NKAIN3: variants seen among roughly 807,000 people sequenced by gnomAD.
NKAIN3 encodes the protein sodium/potassium-transporting ATPase subunit beta-1-interacting protein 3.
In NKAIN3, 25 loss-of-function variants were observed where a neutral mutation model predicts 30.2. That is an observed-to-expected ratio of 0.83 (90% confidence interval 0.60 to 1.16). NKAIN3 has a LOEUF of 1.16. Among genes scored for constraint, NKAIN3 ranks in the 50% most tolerant of loss-of-function variants. The probability of loss-of-function intolerance (pLI) is 0.00; values close to 1 mark genes in which losing one functional copy is unlikely to be tolerated. For synonymous variants in NKAIN3, 91 were observed against 89.6 expected (o/e 1.02, Z -0.09); for missense variants, 225 against 254.1 (o/e 0.89, Z 0.78).
chr8:62,658,338 G>A (rs114093082), intron 3 of NKAIN3, among the ~76,000 whole-genome samples: 7 of 152,062 alleles, frequency 4.6e-5, no homozygotes, highest in Admixed American at 1.3e-4. Flanking sequence ...ATTTAATTTC[G>A]CGGTGAGGAT....
At chr8:62,857,358 G>A (rs1157941133) in intron 4 of NKAIN3, among the ~76,000 whole-genome samples, 2 of 152,154 alleles carry the variant, frequency 1.3e-5, no homozygotes, top group Non-Finnish European at 2.9e-5. Flanking sequence ...TCTTACTGGA[G>A]TTCTCTGCAT....
chr8:62,862,671 T>G (rs1279751556), intron 4 of NKAIN3, among the ~76,000 whole-genome samples: 1 of 152,168 alleles, frequency 6.6e-6, no homozygotes, highest in East Asian at 1.9e-4. Flanking sequence ...GCTTTGGAAT[T>G]GAAGAAAATA....
intron 3 of NKAIN3, among the ~76,000 whole-genome samples, chr8:62,737,981 T>C (rs1051840504): frequency 5.3e-5 from 8 of 152,174 alleles, no homozygotes; most frequent in Non-Finnish European, 1.2e-4. Flanking sequence ...AACATATGTG[T>C]GCATGTGTCT....
chr8:62,536,810 C>T (rs1380224156), intron 1 of NKAIN3, among the ~76,000 whole-genome samples: 1 of 152,038 alleles, frequency 6.6e-6, no homozygotes, highest in African/African-American at 2.4e-5. Flanking sequence ...TTCACTTTTC[C>T]CAAACTGAAA....
At chr8:62,725,152 AT>A (rs1815215330) in intron 3 of NKAIN3, among the ~76,000 whole-genome samples, 2 of 152,136 alleles carry the variant, frequency 1.3e-5, no homozygotes, top group South Asian at 4.1e-4. Context: ...GCACCTCTTA[AT>A]GTATCTGTTT....
Position 62,965,642 on chromosome 8 carries a change from A to C in NKAIN3, c.*235A>C. On this transcript the variant is annotated 3_prime_UTR_variant, in exon 7 of 7. Transcript: ENST00000623646. ...TTGTAAAAAAAAAAAAAAAAGAAAA[A>C]ACAGAATTTGGTTTTAAATTTTTAA... 2 of 977,028 alleles carry C rather than the reference A, an allele frequency of 2.0e-6. No homozygotes were observed. Among genetic ancestry groups the C allele is most frequent in the South Asian group, 9.5e-5 (2 of 21,128 alleles). 60.5% of individuals were successfully genotyped at this position (977,028 alleles called of 1,614,324 possible). A position where few individuals can be genotyped will look rare whatever the true frequency, so the allele number is the denominator to read the frequency against.
At chr8:62,440,704 T>C (rs531919041) in intron 1 of NKAIN3, among the ~76,000 whole-genome samples, 4 of 150,586 alleles carry the variant, frequency 2.7e-5, no homozygotes, top group African/African-American at 7.3e-5. Flanking sequence ...TCTTCTTTAT[T>C]TTTTTTTTTC....
At chr8:62,829,044 G>T (rs1355292059) in intron 4 of NKAIN3, among the ~76,000 whole-genome samples, 2 of 152,066 alleles carry the variant, frequency 1.3e-5, no homozygotes, top group African/African-American at 4.8e-5. Context: ...GCTAAGTTTG[G>T]GGAGGTTTAT....
At position 62,597,335 on chromosome 8, in the gene NKAIN3, C is replaced by A. The variant is rs575115848; in HGVS notation, c.273+7541C>A. Among the ~76,000 whole-genome samples the A allele has an allele frequency of 1.7e-3, 260 of 152,108 alleles. 1 individual carries two copies. Among genetic ancestry groups the A allele is most frequent in the Non-Finnish European group, 2.9e-3 (196 of 67,974 alleles). On this transcript the variant is annotated intron_variant, in intron 3 of 6. Transcript: ENST00000623646. Reference sequence around the variant, plus strand: ...AAATGGGTATCGGCTTTCTGAGTTTCCTTAATTAGTGTGTATAATAGCCTG... The same window carrying A: ...AAATGGGTATCGGCTTTCTGAGTTTACTTAATTAGTGTGTATAATAGCCTG...
At chr8:62,541,829 CTTAA>C (rs931021645) in intron 1 of NKAIN3, among the ~76,000 whole-genome samples, 19 of 151,864 alleles carry the variant, frequency 1.3e-4, no homozygotes, top group Non-Finnish European at 7.4e-5. Context: ...TGAAGTTGTT[CTTAA>C]TTATTGTTGA....
intron 1 of NKAIN3, among the ~76,000 whole-genome samples, chr8:62,557,314 A>G (rs191104851): frequency 3.2e-4 from 48 of 152,230 alleles, no homozygotes; most frequent in African/African-American, 1.1e-3. Flanking sequence ...GTTGATGGGC[A>G]TTTGGGTTGG....
At chr8:62,376,101 G>C (rs918628428) in intron 1 of NKAIN3, among the ~76,000 whole-genome samples, 3 of 152,174 alleles carry the variant, frequency 2.0e-5, no homozygotes, top group African/African-American at 7.2e-5. Flanking sequence ...TGTATTAGGA[G>C]TGAGGAGCAC....
At chr8:62,297,202 T>C (rs200832320) in intron 1 of NKAIN3, among the ~76,000 whole-genome samples, 168 of 152,108 alleles carry the variant, frequency 1.1e-3, no homozygotes, top group African/African-American at 3.8e-3. Flanking sequence ...AATGTTAGAC[T>C]TAAAACCATA....
At chr8:62,509,192 G>A (rs1220902182) in intron 1 of NKAIN3, among the ~76,000 whole-genome samples, 1 of 152,196 alleles carries the variant, frequency 6.6e-6, no homozygotes, top group Non-Finnish European at 1.5e-5. Flanking sequence ...AATCATGTGG[G>A]GTGGGGAGGG....
intron 1 of NKAIN3, among the ~76,000 whole-genome samples, chr8:62,298,016 C>A (rs1308902730): frequency 1.3e-5 from 2 of 152,140 alleles, no homozygotes; most frequent in African/African-American, 2.4e-5. Flanking sequence ...AGTTCATGTC[C>A]TTTGTAGGGA....
At chr8:62,429,922 A>G (rs2129597393) in intron 1 of NKAIN3, among the ~76,000 whole-genome samples, 1 of 152,014 alleles carries the variant, frequency 6.6e-6, no homozygotes, top group East Asian at 1.9e-4. Context: ...TGCAGCCACC[A>G]TCACCACCAT....
In NKAIN3 at chr8:62,977,801, T is replaced by G. The variant is rs2130920661; in HGVS notation, c.*12394T>G. On this transcript the variant is annotated 3_prime_UTR_variant, in exon 7 of 7. Transcript: ENST00000623646. The stretch of plus-strand genomic sequence containing the variant: ...TGGAGGAGAAGAGGCGTTCTGGTTT[T>G]GGGAATTTTCAGCCTTATTGGACTG... 1 of 152,330 alleles carries G rather than the reference T, an allele frequency of 6.6e-6. No homozygotes were observed. Among genetic ancestry groups the G allele is most frequent in the South Asian group, 2.1e-4 (1 of 4,828 alleles). 9.4% of individuals were successfully genotyped at this position (152,330 alleles called of 1,614,324 possible).
chr8:62,863,104 C>T, intron 4 of NKAIN3: 1 of 1,294,064 alleles, frequency 7.7e-7, no homozygotes, highest in Non-Finnish European at 1.1e-6. Flanking sequence ...AGGGTATTCC[C>T]CATCCTGCTC....
intron 1 of NKAIN3, among the ~76,000 whole-genome samples, chr8:62,570,768 C>T (rs1378776589): frequency 2.6e-5 from 4 of 152,080 alleles, no homozygotes; most frequent in African/African-American, 9.7e-5. Context: ...CATCTTAAAA[C>T]CAATCATGCC....
Sources: allele counts gnomAD v4.1 joint callset (sites outside exome capture counted in the v4.1 genomes callset), GRCh38; gene constraint gnomAD v4.1.1; transcripts MANE v1.5; gene names NCBI Gene and HGNC (gene_info 2026-07-23, HGNC 2026-07-21).